ODR4: variants seen among roughly 807,000 people sequenced by gnomAD.
The protein encoded by ODR4 is odr-4 GPCR localization factor homolog, also known as protein odr-4 homolog.
ODR4 carries 47 observed loss-of-function variants against 60.2 expected under a neutral mutation model. That is an observed-to-expected ratio of 0.78 (90% CI 0.62 to 1.00). The LOEUF (loss-of-function observed/expected upper bound fraction) is 1.00, where lower values mean the gene tolerates loss of function less well. ODR4 is among the 50% of genes least tolerant of loss of function. The pLI, the probability that ODR4 is intolerant of heterozygous loss-of-function variation, is 0.00. For missense variants in ODR4, 488 were observed against 530.8 expected, an observed-to-expected ratio of 0.92 and a Z score of 0.79; for synonymous variants, 178 against 175.5, an observed-to-expected ratio of 1.01 and a Z score of -0.11.
chr1:186,429,053 A>T, the ODR4 span, among the ~76,000 whole-genome samples: 1 of 152,128 alleles, frequency 6.6e-6, no homozygotes, highest in Non-Finnish European at 1.5e-5. Context: ...AGGCAACGTG[A>T]TGAAATCTTG....
intron 11 of ODR4, among the ~76,000 whole-genome samples, chr1:186,399,975 ATTCTTTTTTTTT>A (rs1402144291): frequency 3.6e-4 from 50 of 137,146 alleles, no homozygotes; most frequent in Non-Finnish European, 6.3e-4. Context: ...TCATCTCCCC[ATTCTTTTTTTTT>A]TTCTTTTTTT....
intron 12 of ODR4, 64 bp from the exon 13 acceptor site, chr1:186,417,480 A>T: frequency 1.1e-6 from 1 of 878,290 alleles, no homozygotes; most frequent in Non-Finnish European, 1.8e-6. Flanking sequence ...AATGTTCTTT[A>T]AAGCTCAGTT....
chr1:186,432,782 CA>C, the ODR4 span, among the ~76,000 whole-genome samples: 1 of 151,076 alleles, frequency 6.6e-6, no homozygotes, highest in East Asian at 1.9e-4. Context: ...GTGAATCTGG[CA>C]GATTTTTTTT....
chr1:186,389,426 A>G (rs1440552669), intron 5 of ODR4, among the ~76,000 whole-genome samples, 162 bp from the exon 6 acceptor site: 2 of 152,338 alleles, frequency 1.3e-5, no homozygotes, highest in East Asian at 1.9e-4. Flanking sequence ...ACATATGTAT[A>G]TATATGCACA....
intron 2 of ODR4, among the ~76,000 whole-genome samples, chr1:186,381,247 T>G (rs1397224504): frequency 1.3e-5 from 2 of 152,130 alleles, no homozygotes; most frequent in African/African-American, 4.8e-5. Flanking sequence ...CTTCTAAATT[T>G]GTCTTAACTG....
At chr1:186,423,133 A>G (rs981673730), downstream of ODR4, among the ~76,000 whole-genome samples, 3 of 152,184 alleles carry the variant, frequency 2.0e-5, no homozygotes, top group Non-Finnish European at 4.4e-5. Flanking sequence ...GTAAACAATA[A>G]TTAACTTTTT....
At chr1:186,400,981 T>C in intron 11 of ODR4, 1 of 1,492,744 alleles carries the variant, frequency 6.7e-7, no homozygotes, top group Non-Finnish European at 9.1e-7. Flanking sequence ...GTGTAAATCA[T>C]TGCTTCAGGT....
rs1660567491 is a variant in ODR4, at chr1:186,393,927, T to A, written c.712-20T>A. Reference sequence around the variant, plus strand: ...TTACAGGCTTCACAGTTTGGCTTTTTAACTTTTGTGTTTTTTCAGAAAAAA... The same window carrying A: ...TTACAGGCTTCACAGTTTGGCTTTTAAACTTTTGTGTTTTTTCAGAAAAAA... On this transcript the variant is annotated intron_variant, in intron 8 of 13. Transcript: ENST00000287859. The A allele has an allele frequency of 7.0e-7, 1 of 1,427,584 alleles. No individual in the cohort carries two copies. The highest frequency in any genetic ancestry group is 9.6e-7 in the Non-Finnish European group (1 of 1,037,054). 88.4% of individuals were successfully genotyped at this position (1,427,584 alleles called of 1,614,324 possible). A position where few individuals can be genotyped will look rare whatever the true frequency, so the allele number is the denominator to read the frequency against.
intron 5 of ODR4, 95 bp downstream of exon 5, chr1:186,388,643 A>T: frequency 1.5e-6 from 1 of 651,128 alleles, no homozygotes; most frequent in Non-Finnish European, 2.5e-6. Flanking sequence ...ATCATTTAAA[A>T]AATAGGCATA....
intron 3 of ODR4, among the ~76,000 whole-genome samples, chr1:186,384,779 CTT>C (rs1020697980): frequency 7.2e-5 from 11 of 152,004 alleles, no homozygotes; most frequent in African/African-American, 2.7e-4. Flanking sequence ...AATATGAAAA[CTT>C]TATTTGTCAG....
intron 12 of ODR4, among the ~76,000 whole-genome samples, chr1:186,410,983 C>G (rs1661360878): frequency 6.6e-6 from 1 of 151,274 alleles, no homozygotes; most frequent in Non-Finnish European, 1.5e-5. Context: ...CCATTGCACT[C>G]CAGCCTGGGC....
At chr1:186,406,380 T>C in intron 12 of ODR4, 112 bp downstream of exon 12, 1 of 692,808 alleles carries the variant, frequency 1.4e-6, no homozygotes, top group Non-Finnish European at 2.2e-6. Flanking sequence ...CTAGTTCTGT[T>C]TGACACTTCG....
At position 186,419,683 on chromosome 1, in the gene ODR4, G is replaced by A. The variant is rs1661710100; in HGVS notation, c.*607G>A. On this transcript the variant is annotated 3_prime_UTR_variant, in exon 14 of 14. Coordinates refer to ENST00000287859, the MANE Select transcript of ODR4 (RefSeq NM_017847.6). ...GCTATGATCACATCACTGTACTCCA[G>A]CCTGGGTGACAAAATGAGACATTGT... The A allele has an allele frequency of 6.6e-6, 1 of 152,042 alleles. No individual in the cohort carries two copies. Among genetic ancestry groups the A allele is most frequent in the Admixed American group, 6.6e-5 (1 of 15,252 alleles). 9.4% of individuals were successfully genotyped at this position (152,042 alleles called of 1,614,324 possible).
rs1231930821 is a variant in ODR4 at position 186,421,193 on chromosome 1, GGAT to G, written c.*2121_*2123del. ...CAAATTCAGTAAAGAGACTACAAAA[GGAT>G]GATCTTCAAGAAGGGAAATGATTCT... On this transcript the variant is annotated 3_prime_UTR_variant, in exon 14 of 14. Transcript: ENST00000287859. The G allele has an allele frequency of 5.9e-5, 9 of 152,150 alleles. No individual in the cohort carries two copies. The highest frequency in any genetic ancestry group is 1.3e-4 in the Non-Finnish European group (9 of 68,018). The allele number at this position is 152,150 out of a possible 1,614,324, so 9.4% of individuals were successfully genotyped here.
At position 186,380,367 on chromosome 1, in the gene ODR4, G is replaced by T. The variant is rs1457084513; in HGVS notation, c.99+483G>T. Reference sequence around the variant, plus strand: ...TAGTACCCATCTTACTGAATTTTTTGTTGTTGTTGTTGGATCAATAGGGAG... The same window carrying T: ...TAGTACCCATCTTACTGAATTTTTTTTTGTTGTTGTTGGATCAATAGGGAG... On this transcript the variant is annotated intron_variant, in intron 2 of 13. Coordinates refer to ENST00000287859, the MANE Select transcript of ODR4 (RefSeq NM_017847.6). 1.1e-4 allele frequency among the ~76,000 whole-genome samples: 16 copies of T among 152,014 alleles called. 1 individual carries two copies. The highest frequency in any genetic ancestry group is 8.3e-4 in the South Asian group (4 of 4,820).
intron 2 of ODR4, among the ~76,000 whole-genome samples, chr1:186,382,249 T>TAAAAAA (rs1189752791): frequency 3.8e-5 from 3 of 79,948 alleles, no homozygotes; most frequent in African/African-American, 1.6e-4. Context: ...TACAAAAAAG[T>TAAAAAA]AAAAAAAAAA....
rs761129676 is a variant in ODR4 at position 186,390,786 on chromosome 1, C to T, written c.550C>T (p.His184Tyr). 6.2e-7 allele frequency: 1 copy of T among 1,612,498 alleles called. No homozygotes were observed. Among genetic ancestry groups the T allele is most frequent in the African/African-American group, 1.3e-5 (1 of 74,870 alleles). ...ATGGCTTTCTTTAGAGTGTACAGTTCACATTAATATTCACATCCCACTTTC... is the reference window on the plus strand; with the variant it reads ...ATGGCTTTCTTTAGAGTGTACAGTTTACATTAATATTCACATCCCACTTTC... ...SSWLSLECTV[H>Y]INIHIPLSAT... Residue 184 changes from histidine to tyrosine, a missense_variant, in exon 7 of 14, where the codon CAC becomes TAC. Transcript: ENST00000287859.
downstream of ODR4, among the ~76,000 whole-genome samples, chr1:186,424,613 G>A (rs1182461220): frequency 1.3e-5 from 2 of 151,786 alleles, no homozygotes; most frequent in Non-Finnish European, 2.9e-5. Flanking sequence ...CAGCTGGGTG[G>A]TTTTGCGCCA....
At chr1:186,412,431 T>C (rs1290716193) in intron 12 of ODR4, among the ~76,000 whole-genome samples, 2 of 152,100 alleles carry the variant, frequency 1.3e-5, no homozygotes. Context: ...AATTGAACAC[T>C]GGTATGAGAT....
Sources: allele counts gnomAD v4.1 joint callset (sites outside exome capture counted in the v4.1 genomes callset), GRCh38; gene constraint gnomAD v4.1.1; transcripts MANE v1.5; gene names NCBI Gene and HGNC (gene_info 2026-07-23, HGNC 2026-07-21).